UBE3C: variants seen among roughly 807,000 people sequenced by gnomAD.
UBE3C encodes ubiquitin-protein ligase E3C.
UBE3C carries 42 observed loss-of-function variants against 129.4 expected under a neutral mutation model. The ratio of observed to expected loss-of-function variants is 0.32; its 90% CI spans 0.25 to 0.42. UBE3C has a LOEUF of 0.42. Among genes scored for constraint, UBE3C ranks in the 10% least tolerant of loss-of-function variants. The probability of loss-of-function intolerance (pLI) is 1.00; values close to 1 mark genes in which losing one functional copy is unlikely to be tolerated. For synonymous variants in UBE3C, 510 were observed against 492.4 expected, an observed-to-expected ratio of 1.04 and a Z score of -0.47; for missense variants, 1,049 against 1,319.1, an observed-to-expected ratio of 0.80 and a Z score of 3.17.
chr7:157,174,883 A>C (rs766260700), intron 4 of UBE3C, 36 bp from the exon 5 acceptor site: 1 of 1,498,230 alleles, frequency 6.7e-7, no homozygotes, highest in African/African-American at 1.4e-5. Context: ...TTAAATTTTC[A>C]TTGAGAGTTG....
intron 18 of UBE3C, among the ~76,000 whole-genome samples, chr7:157,242,521 T>TTTTG (rs1563071708): frequency 1.4e-5 from 2 of 147,010 alleles, no homozygotes; most frequent in African/African-American, 4.9e-5. Flanking sequence ...GTTGTTTTTT[T>TTTTG]TTTTTTTTTT....
At chr7:157,267,133 G>A (rs756731182) in intron 22 of UBE3C, among the ~76,000 whole-genome samples, 7 of 152,102 alleles carry the variant, frequency 4.6e-5, no homozygotes, top group Admixed American at 3.9e-4. Flanking sequence ...TTTTAAAAAA[G>A]CAAATGTGGG....
intron 22 of UBE3C, among the ~76,000 whole-genome samples, chr7:157,260,617 T>C (rs112977337): frequency 4.6e-4 from 70 of 152,350 alleles, no homozygotes; most frequent in African/African-American, 1.7e-3. Context: ...ACATTTATTA[T>C]GATAGACAAG....
At chr7:157,247,761 T>C (rs1162043486) in intron 18 of UBE3C, among the ~76,000 whole-genome samples, 1 of 151,998 alleles carries the variant, frequency 6.6e-6, no homozygotes, top group Non-Finnish European at 1.5e-5. Flanking sequence ...ATTTGGAACA[T>C]AGCCACCCTC....
chr7:157,165,027 A>G (rs776278720), intron 2 of UBE3C, among the ~76,000 whole-genome samples: 1 of 152,160 alleles, frequency 6.6e-6, no homozygotes, highest in African/African-American at 2.4e-5. Flanking sequence ...AGCAACACCC[A>G]TGGCCTCTAC....
rs368848092 is a variant in UBE3C at position 157,236,404 on chromosome 7, TTTG to T, written c.2481+5078_2481+5080del. ...GATGGCATGCCTATAAATCAGATTA[TTTG>T]ATATGATCTTGGTTATATATTTGAA... On this transcript the variant is annotated intron_variant, in intron 18 of 22. Transcript: ENST00000348165. Among the ~76,000 whole-genome samples, 1,176 of 152,342 alleles carry T rather than the reference TTTG, an allele frequency of 7.7e-3. 9 individuals are homozygous for T. Among genetic ancestry groups the T allele is most frequent in the Middle Eastern group, 0.017 (5 of 294 alleles).
At chr7:157,139,363 C>T (rs1257481215) in intron 1 of UBE3C, 25 bp downstream of exon 1, 2 of 1,554,776 alleles carry the variant, frequency 1.3e-6, no homozygotes, top group South Asian at 2.3e-5. Context: ...GGCGGGGCGC[C>T]CTCGGCTCGG....
At chr7:157,209,335 C>T (rs945115129) in intron 13 of UBE3C, among the ~76,000 whole-genome samples, 2 of 152,148 alleles carry the variant, frequency 1.3e-5, no homozygotes, top group African/African-American at 2.4e-5. Flanking sequence ...CCTAATGCAT[C>T]GTTGAATTTA....
intron 17 of UBE3C, among the ~76,000 whole-genome samples, chr7:157,227,682 G>A (rs979226012): frequency 1.5e-4 from 23 of 151,790 alleles, no homozygotes; most frequent in African/African-American, 5.6e-4. Flanking sequence ...CCTGGCAACA[G>A]AGTGAGACTT....
At chr7:157,206,314 G>A (rs911532069) in intron 11 of UBE3C, among the ~76,000 whole-genome samples, 2 of 152,206 alleles carry the variant, frequency 1.3e-5, no homozygotes, top group Non-Finnish European at 2.9e-5. Context: ...CCAGGCTGGA[G>A]TGCAATGGCA....
chr7:157,178,843 C>T lies in UBE3C; in HGVS notation c.612C>T (p.His204=). ...AACAAATTTTGCACTACATGATTCA[C>T]AATGGTAAGTAGTAGGCAGGATCAG... ...VIEQILHYMI[H]NGYYRSLYLL... is the part of the protein sequence containing the mutation. The change falls in exon 6 of 23, where the codon CAC becomes CAT. Residue 204 remains histidine (H), a synonymous_variant. Coordinates refer to ENST00000348165, the MANE Select transcript of UBE3C (RefSeq NM_014671.3). 2 of 1,613,988 alleles carry T rather than the reference C, an allele frequency of 1.2e-6. No homozygotes were observed. The highest frequency in any genetic ancestry group is 2.7e-5 in the African/African-American group (2 of 75,054).
At chr7:157,263,396 GC>G (rs1387078175) in intron 22 of UBE3C, among the ~76,000 whole-genome samples, 1 of 152,228 alleles carries the variant, frequency 6.6e-6, no homozygotes, top group East Asian at 1.9e-4. Flanking sequence ...TCGAACGGGG[GC>G]CGGGTGTGGT....
intron 5 of UBE3C, among the ~76,000 whole-genome samples, chr7:157,177,136 G>A (rs1016465738): frequency 3.9e-5 from 6 of 152,134 alleles, no homozygotes; most frequent in East Asian, 1.9e-4. Flanking sequence ...TAGGAGAGGC[G>A]CAGTTCCTCC....
chr7:157,181,854 G>C (rs1469005821), intron 7 of UBE3C, among the ~76,000 whole-genome samples, 183 bp downstream of exon 7: 1 of 152,198 alleles, frequency 6.6e-6, no homozygotes, highest in Non-Finnish European at 1.5e-5. Flanking sequence ...ACAAATTTGT[G>C]ATTCTGATAA....
chr7:157,204,728 A>G lies in UBE3C; in HGVS notation c.1419-2670A>G, dbSNP rs3824059. Among the ~76,000 whole-genome samples the G allele has an allele frequency of 3.4e-3, 524 of 152,290 alleles. 15 individuals are homozygous for G. The South Asian group carries it at 0.047, about 14-fold the overall frequency. ...CCATAGCCAGCTGGTACTGTTTTCC[A>G]TTAGGCATCCCTTGACTACAACATA... is the stretch of plus-strand genomic sequence containing the variant. On this transcript the variant is annotated intron_variant, in intron 11 of 22. Coordinates refer to ENST00000348165, the MANE Select transcript of UBE3C (RefSeq NM_014671.3).
At chr7:157,172,340 A>C (rs1808400824) in intron 4 of UBE3C, among the ~76,000 whole-genome samples, 1 of 152,144 alleles carries the variant, frequency 6.6e-6, no homozygotes, top group Admixed American at 6.6e-5. Flanking sequence ...AGCCAGGTTA[A>C]ATATATAATT....
intron 15 of UBE3C, chr7:157,222,953 TCACCGCC>T: frequency 3.8e-6 from 1 of 260,582 alleles, no homozygotes; most frequent in South Asian, 5.1e-5. Context: ...CATTCGGGCC[TCACCGCC>T]AGTGCTAGGG....
intron 22 of UBE3C, among the ~76,000 whole-genome samples, chr7:157,264,366 C>T (rs1227942340): frequency 6.8e-6 from 1 of 147,414 alleles, no homozygotes; most frequent in Non-Finnish European, 1.5e-5. Context: ...TACACACACA[C>T]ACCTGGTACT....
At chr7:157,177,612 C>T (rs916287163) in intron 5 of UBE3C, among the ~76,000 whole-genome samples, 5 of 152,218 alleles carry the variant, frequency 3.3e-5, no homozygotes, top group African/African-American at 4.8e-5. Context: ...GTACACCCCT[C>T]GAGAGACACC....
Sources: gnomAD v4.1 joint callset for allele counts (sites outside exome capture counted in the v4.1 genomes callset) on GRCh38, gnomAD v4.1.1 for gene constraint, MANE v1.5 for transcripts, NCBI Gene and HGNC (gene_info 2026-07-23, HGNC 2026-07-21) for gene names.